SENP6: variants seen among roughly 807,000 people sequenced by gnomAD.
SENP6 encodes SUMO specific peptidase 6.
In SENP6, 41 loss-of-function variants were observed where a neutral mutation model predicts 134.5. The observed-to-expected ratio is 0.30, with a 90% CI of 0.24 to 0.40. The LOEUF (loss-of-function observed/expected upper bound fraction) is 0.40. Ranked by LOEUF, SENP6 falls within the 10% of genes least tolerant of loss-of-function variation. SENP6 has a pLI of 1.00. For missense variants in SENP6, 1,248 were observed against 1,312.5 expected (o/e 0.95, Z 0.76); for synonymous variants, 395 against 429.8 (o/e 0.92, Z 1.00).
At chr6:75,662,782 G>A (rs79311523) in intron 8 of SENP6, among the ~76,000 whole-genome samples, 2,424 of 152,170 alleles carry the variant, frequency 0.016, 65 homozygotes, top group African/African-American at 0.056. Context: ...AATTTTATGA[G>A]AGGAAACAGC....
At chr6:75,706,066 C>G (rs941188306) in intron 19 of SENP6, among the ~76,000 whole-genome samples, 1 of 150,846 alleles carries the variant, frequency 6.6e-6, no homozygotes, top group Non-Finnish European at 1.5e-5. Context: ...CTCAGCCTCC[C>G]TAGTAGCTGG....
chr6:75,657,299 A>T (rs1771416976), intron 7 of SENP6, among the ~76,000 whole-genome samples: 2 of 152,204 alleles, frequency 1.3e-5, no homozygotes, highest in African/African-American at 4.8e-5. Flanking sequence ...TTCTTTTTAT[A>T]GTGTCACATC....
chr6:75,640,091 A>G (rs1042595677), intron 5 of SENP6, among the ~76,000 whole-genome samples: 5 of 152,198 alleles, frequency 3.3e-5, no homozygotes, highest in African/African-American at 7.2e-5. Context: ...AGTACATACT[A>G]TTTATAAAAG....
At chr6:75,652,697 A>AAAAG (rs1197408001) in intron 7 of SENP6, among the ~76,000 whole-genome samples, 7 of 147,808 alleles carry the variant, frequency 4.7e-5, no homozygotes, top group African/African-American at 1.7e-4. Flanking sequence ...AAAAAAAAAA[A>AAAAG]AAAAAAGAAA....
intron 16 of SENP6, 77 bp downstream of exon 16, chr6:75,679,004 A>G: frequency 1.4e-6 from 1 of 728,772 alleles, no homozygotes; most frequent in African/African-American, 1.8e-5. Context: ...TTCCAGAGTC[A>G]GGCTTTTTGA....
chr6:75,654,483 A>G (rs1771159823), intron 7 of SENP6, among the ~76,000 whole-genome samples: 1 of 152,374 alleles, frequency 6.6e-6, no homozygotes, highest in East Asian at 1.9e-4. Context: ...AAAATCCTGT[A>G]TGCCAAAAGT....
chr6:75,701,882 C>T (rs992514650), intron 18 of SENP6, among the ~76,000 whole-genome samples: 4 of 151,960 alleles, frequency 2.6e-5, no homozygotes, highest in African/African-American at 9.7e-5. Flanking sequence ...TCAGGCAATC[C>T]ACCCGCCTCG....
intron 19 of SENP6, among the ~76,000 whole-genome samples, chr6:75,706,550 A>G (rs916492450): frequency 2.0e-5 from 3 of 152,220 alleles, no homozygotes; most frequent in African/African-American, 7.2e-5. Flanking sequence ...AAATTTGAGT[A>G]AATAGCCTCA....
intron 13 of SENP6, chr6:75,676,666 A>G (rs1345087308): frequency 1.2e-5 from 2 of 164,048 alleles, no homozygotes; most frequent in African/African-American, 4.8e-5. Flanking sequence ...TTGAGATACT[A>G]CCAGTTCACA....
chr6:75,675,863 C>G lies in SENP6; in HGVS notation c.1430C>G (p.Pro477Arg). The change falls in exon 13 of 24, where the codon CCA becomes CGA. Residue 477 changes from proline (P) to arginine (R), a missense_variant. By Grantham distance (103) the Pro-to-Arg change is moderately radical. Coordinates refer to ENST00000447266, the MANE Select transcript of SENP6 (RefSeq NM_015571.4). ...CATTTCATTTGTTTTCCTCCAGAACCAGACCATGATCCTGTAGAGATTATA... is the reference window on the plus strand; with the variant it reads ...CATTTCATTTGTTTTCCTCCAGAACGAGACCATGATCCTGTAGAGATTATA... ...LDFIKIQLDE[P>R]DHDPVEIILN... 6.3e-7 allele frequency: 1 copy of G among 1,575,346 alleles called. No homozygotes were observed. The highest frequency in any genetic ancestry group is 8.6e-7 in the Non-Finnish European group (1 of 1,166,112).
intron 1 of SENP6, among the ~76,000 whole-genome samples, chr6:75,602,788 G>C (rs1766734987): frequency 6.6e-6 from 1 of 152,208 alleles, no homozygotes; most frequent in African/African-American, 2.4e-5. Context: ...GTTCGGCCCA[G>C]GGGGCGCGGG....
chr6:75,715,364 C>T (rs570555919), intron 23 of SENP6, 21 bp from the exon 24 acceptor site: 41 of 1,507,468 alleles, frequency 2.7e-5, no homozygotes, highest in African/African-American at 1.7e-4. Context: ...TTTTCTAATA[C>T]GCATTTAATT....
chr6:75,699,354 CTTTTTTTTTT>C (rs71544060), intron 18 of SENP6, among the ~76,000 whole-genome samples: 2 of 115,016 alleles, frequency 1.7e-5, no homozygotes, highest in Non-Finnish European at 3.5e-5. Context: ...TTTGTTTTTG[CTTTTTTTTTT>C]TTTTTTTTTT....
At chr6:75,655,364 C>CT (rs1374135186) in intron 7 of SENP6, 1 of 152,168 alleles carries the variant, frequency 6.6e-6, no homozygotes, top group East Asian at 1.9e-4. Flanking sequence ...AATTTGAAAA[C>CT]TACATATCCC....
chr6:75,623,884 C>T lies in SENP6; in HGVS notation c.147-16C>T. On this transcript the variant is annotated splice_polypyrimidine_tract_variant and intron_variant, in intron 2 of 23. Transcript: ENST00000447266. ...TGATTGCTACTTATGTTTTTTTCCCCTTATTTTCTGTGTAGTGGGACAAAT... is the reference window on the plus strand; with the variant it reads ...TGATTGCTACTTATGTTTTTTTCCCTTTATTTTCTGTGTAGTGGGACAAAT... The T allele has an allele frequency of 1.9e-6, 3 of 1,587,388 alleles. No homozygotes were observed. Among genetic ancestry groups the T allele is most frequent in the Non-Finnish European group, 2.6e-6 (3 of 1,166,960 alleles).
At chr6:75,690,673 T>C (rs1269784514) in intron 16 of SENP6, among the ~76,000 whole-genome samples, 3 of 150,322 alleles carry the variant, frequency 2.0e-5, no homozygotes, top group African/African-American at 4.9e-5. Context: ...AAATTTTATA[T>C]GTTTGTTTTG....
At position 75,716,466 on chromosome 6, in the gene SENP6, A is replaced by G. The variant is rs1776026224; in HGVS notation, c.*872A>G. 3 of 152,002 alleles carry G rather than the reference A, an allele frequency of 2.0e-5. No homozygotes were observed. The highest frequency in any genetic ancestry group is 2.9e-5 in the Non-Finnish European group (2 of 67,880). The allele number at this position is 152,002 out of a possible 1,614,324, so 9.4% of individuals were successfully genotyped here. On this transcript the variant is annotated 3_prime_UTR_variant, in exon 24 of 24. Coordinates refer to ENST00000447266, the MANE Select transcript of SENP6 (RefSeq NM_015571.4). ...AAATAGGAATTTACTATTTTTTTATAAAGCTTTTGCTATTTTTTCATTGCT... is the reference window on the plus strand; with the variant it reads ...AAATAGGAATTTACTATTTTTTTATGAAGCTTTTGCTATTTTTTCATTGCT...
chr6:75,638,862 A>G (rs974730223), intron 5 of SENP6, among the ~76,000 whole-genome samples: 7 of 151,568 alleles, frequency 4.6e-5, no homozygotes, highest in African/African-American at 1.7e-4. Flanking sequence ...GTTCGAGACC[A>G]GCCTTACCAA....
At position 75,634,787 on chromosome 6, in the gene SENP6, C is replaced by G. The variant is rs780295357; in HGVS notation, c.434C>G (p.Pro145Arg). The change falls in exon 5 of 24, where the codon CCA becomes CGA. Residue 145 changes from proline (P) to arginine (R), a missense_variant. Transcript: ENST00000447266. ...TTTCATCATGCTCATGCACAGATAC[C>G]AGTAGTAAAAACAGCAGCCCAAAGG... Reference protein sequence around the residue: ...RRFHHAHAQIPVVKTAAQSSL... With the variant: ...RRFHHAHAQIRVVKTAAQSSL... 1.2e-6 allele frequency: 2 copies of G among 1,601,872 alleles called. No individual in the cohort carries two copies. Among genetic ancestry groups the G allele is most frequent in the Admixed American group, 3.5e-5 (2 of 56,626 alleles).
Sources: allele counts gnomAD v4.1 joint callset (sites outside exome capture counted in the v4.1 genomes callset), GRCh38; gene constraint gnomAD v4.1.1; transcripts MANE v1.5; gene names NCBI Gene and HGNC (gene_info 2026-07-23, HGNC 2026-07-21).